The following PRKG1 variants were observed in gnomAD, a reference collection of about 807,000 sequenced individuals.
The protein encoded by PRKG1 is protein kinase cGMP-dependent 1.
PRKG1 carries 35 observed loss-of-function variants against 88.1 expected under a neutral mutation model. The ratio of observed to expected loss-of-function variants is 0.40; its 90% CI spans 0.30 to 0.53. The LOEUF is 0.53. Among genes scored for constraint, PRKG1 ranks in the 20% least tolerant of loss-of-function variants. The pLI is 0.59. For synonymous variants in PRKG1, 303 were observed against 292.5 expected, an observed-to-expected ratio of 1.04 and a Z score of -0.37; for missense variants, 540 against 839.8, an observed-to-expected ratio of 0.64 and a Z score of 4.41.
chr10:51,792,455 T>G (rs1838893249), intron 3 of PRKG1, among the ~76,000 whole-genome samples: 1 of 152,126 alleles, frequency 6.6e-6, no homozygotes, highest in Non-Finnish European at 1.5e-5. Context: ...CAGCCTCCAT[T>G]ACCAGCTTTT....
At chr10:51,733,187 C>T (rs1239565358) in intron 3 of PRKG1, among the ~76,000 whole-genome samples, 1 of 152,186 alleles carries the variant, frequency 6.6e-6, no homozygotes, top group East Asian at 1.9e-4. Flanking sequence ...CTCCAAATTC[C>T]ATCACACTGG....
chr10:51,666,244 T>G (rs568815624), intron 3 of PRKG1, among the ~76,000 whole-genome samples: 4 of 152,184 alleles, frequency 2.6e-5, no homozygotes, highest in African/African-American at 9.6e-5. Context: ...GCTGCTAAAA[T>G]GTAGATGTCA....
At position 52,233,856 on chromosome 10, in the gene PRKG1, G is replaced by A. The variant is rs1418503357; in HGVS notation, c.1077-17714G>A. 2.0e-5 allele frequency among the ~76,000 whole-genome samples: 3 copies of A among 152,082 alleles called. No individual in the cohort carries two copies. In the East Asian group the frequency reaches 5.8e-4, roughly 30 times the overall value. On this transcript the variant is annotated intron_variant, in intron 9 of 17. Coordinates refer to ENST00000373980, the MANE Select transcript of PRKG1 (RefSeq NM_006258.4). ...CTGCCACTGTAGGCTCCACCTCTGG[G>A]GGCAGGGCACAGACAAACAAAAAGA... is the stretch of plus-strand genomic sequence containing the variant.
rs72789107 is a variant in PRKG1, at chr10:52,290,807, G to T, written c.1962+517G>T. ...GGAATTTGAGCTTACAGTGAGCTGTGATTGTACCACTATACTTCAGCTTGG... is the reference window on the plus strand; with the variant it reads ...GGAATTTGAGCTTACAGTGAGCTGTTATTGTACCACTATACTTCAGCTTGG... On this transcript the variant is annotated intron_variant, in intron 17 of 17. Coordinates refer to ENST00000373980, the MANE Select transcript of PRKG1 (RefSeq NM_006258.4). Among the ~76,000 whole-genome samples, 1,368 of 152,008 alleles carry T rather than the reference G, an allele frequency of 9.0e-3. 11 individuals carry two copies. The highest frequency in any genetic ancestry group is 0.015 in the Non-Finnish European group (1,037 of 68,000).
chr10:52,185,475 G>T (rs1839173429), intron 9 of PRKG1, among the ~76,000 whole-genome samples: 1 of 152,128 alleles, frequency 6.6e-6, no homozygotes, highest in Non-Finnish European at 1.5e-5. Context: ...AGTGACTGTG[G>T]CTTTTCTAGG....
intron 5 of PRKG1, among the ~76,000 whole-genome samples, chr10:51,960,418 A>C (rs1843418746): frequency 6.6e-6 from 1 of 152,072 alleles, no homozygotes; most frequent in Admixed American, 6.6e-5. Flanking sequence ...ACTTATATAA[A>C]CTATAATAAT....
At chr10:51,565,214 T>C (rs1160971650) in intron 3 of PRKG1, among the ~76,000 whole-genome samples, 1 of 133,478 alleles carries the variant, frequency 7.5e-6, no homozygotes, top group African/African-American at 4.1e-5. Flanking sequence ...TCAAAAACCC[T>C]AAAACCCTAA....
chr10:51,004,671 A>G (rs188892886), intron 1 of PRKG1, among the ~76,000 whole-genome samples: 22 of 152,134 alleles, frequency 1.4e-4, no homozygotes, highest in East Asian at 1.4e-3. Flanking sequence ...ATGCCCTTTT[A>G]CTTTTCAGGT....
intron 7 of PRKG1, among the ~76,000 whole-genome samples, chr10:52,114,946 G>T (rs1847652538): frequency 6.6e-6 from 1 of 152,058 alleles, no homozygotes; most frequent in African/African-American, 2.4e-5. Context: ...AAAAGGTAAT[G>T]AAAGAAGTTT....
intron 4 of PRKG1, among the ~76,000 whole-genome samples, chr10:51,853,912 C>T (rs1466487686): frequency 6.6e-6 from 1 of 151,956 alleles, no homozygotes; most frequent in Non-Finnish European, 1.5e-5. Flanking sequence ...GCATTTATTC[C>T]TTTTTTCCAA....
At chr10:51,889,388 C>T (rs933799862) in intron 4 of PRKG1, among the ~76,000 whole-genome samples, 1 of 152,052 alleles carries the variant, frequency 6.6e-6, no homozygotes, top group African/African-American at 2.4e-5. Flanking sequence ...AGGACATGAA[C>T]TTATACTTTT....
intron 3 of PRKG1, among the ~76,000 whole-genome samples, chr10:51,558,489 A>G (rs1837371349): frequency 6.6e-6 from 1 of 152,088 alleles, no homozygotes; most frequent in Non-Finnish European, 1.5e-5. Context: ...CCCCAATAGA[A>G]GTGTTCTTGC....
chr10:51,203,537 G>A (rs1429762400), intron 2 of PRKG1, among the ~76,000 whole-genome samples: 1 of 152,120 alleles, frequency 6.6e-6, no homozygotes. Flanking sequence ...GCAATTGAGG[G>A]CACAGCTGGA....
Position 51,225,728 on chromosome 10 carries a change from A to C in PRKG1, c.478+72398A>C, listed in dbSNP as rs139634794. ...GCTTTTTAAGTGAATGTGGCTATAA[A>C]CTGAGACTTTAAAAAATCTCATTGT... On this transcript the variant is annotated intron_variant, in intron 2 of 17. Transcript: ENST00000373980. Among the ~76,000 whole-genome samples the C allele has an allele frequency of 5.9e-5, 9 of 152,180 alleles. No individual in the cohort carries two copies. The East Asian group carries it at 1.5e-3, about 26-fold the overall frequency.
At chr10:51,012,486 C>T (rs533320315) in intron 1 of PRKG1, among the ~76,000 whole-genome samples, 34 of 152,322 alleles carry the variant, frequency 2.2e-4, no homozygotes, top group African/African-American at 7.9e-4. Flanking sequence ...GTCTACCTCC[C>T]TTCCAAGACC....
At chr10:52,293,307 A>T (rs1842303048) in intron 17 of PRKG1, among the ~76,000 whole-genome samples, 1 of 151,762 alleles carries the variant, frequency 6.6e-6, no homozygotes, top group Non-Finnish European at 1.5e-5. Flanking sequence ...GGGTAGGAAG[A>T]ATCAATATCG....
intron 4 of PRKG1, among the ~76,000 whole-genome samples, chr10:51,817,355 C>CG (rs895361364): frequency 4.7e-5 from 7 of 148,776 alleles, no homozygotes; most frequent in Non-Finnish European, 1.0e-4. Flanking sequence ...CAACCCCCCC[C>CG]CTCCCCTGAC....
chr10:51,315,479 TGGGAAGGTA>T (rs1363743377), intron 2 of PRKG1, among the ~76,000 whole-genome samples: 2 of 152,300 alleles, frequency 1.3e-5, no homozygotes, highest in South Asian at 2.1e-4. Flanking sequence ...AGTATTTTTA[TGGGAAGGTA>T]GGACATCTTG....
At chr10:52,150,183 A>AATAATAATAATTATTATT (rs1554810290) in intron 8 of PRKG1, among the ~76,000 whole-genome samples, 3 of 147,976 alleles carry the variant, frequency 2.0e-5, no homozygotes, top group African/African-American at 7.5e-5. Flanking sequence ...TAATAATAAT[A>AATAATAATAATTATTATT]ATTTGATTGG....
Sources: gnomAD v4.1 joint callset for allele counts (sites outside exome capture counted in the v4.1 genomes callset) on GRCh38, gnomAD v4.1.1 for gene constraint, MANE v1.5 for transcripts, NCBI Gene and HGNC (gene_info 2026-07-23, HGNC 2026-07-21) for gene names.